The following BANK1 variants were observed in gnomAD, a reference collection of about 807,000 sequenced individuals.
BANK1 encodes the protein B cell scaffold protein with ankyrin repeats 1.
BANK1 carries 95 observed loss-of-function variants against 94.5 expected under a neutral mutation model. The ratio of observed to expected loss-of-function variants is 1.00; its 90% CI spans 0.85 to 1.19. BANK1 has a LOEUF of 1.19. Among genes scored for constraint, BANK1 ranks in the 50% most tolerant of loss-of-function variants. The pLI is 0.00. For synonymous variants in BANK1, 334 were observed against 308.4 expected, an observed-to-expected ratio of 1.08 and a Z score of -0.87; for missense variants, 987 against 932.2, an observed-to-expected ratio of 1.06 and a Z score of -0.77.
At chr4:101,791,281 G>A (rs1724977198) in intron 1 of BANK1, among the ~76,000 whole-genome samples, 1 of 150,660 alleles carries the variant, frequency 6.6e-6, no homozygotes, top group African/African-American at 2.4e-5. Flanking sequence ...TTTGCAACCT[G>A]TTTTAAAGCA....
intron 2 of BANK1, among the ~76,000 whole-genome samples, chr4:101,853,505 G>T (rs1324684733): frequency 2.6e-5 from 4 of 152,110 alleles, no homozygotes; most frequent in African/African-American, 9.7e-5. Context: ...TTGCAATAAA[G>T]AGAAGGCACA....
At chr4:101,860,975 T>C (rs1415917944) in intron 3 of BANK1, among the ~76,000 whole-genome samples, 1 of 152,060 alleles carries the variant, frequency 6.6e-6, no homozygotes, top group African/African-American at 2.4e-5. Flanking sequence ...GGGGCAGATA[T>C]GAGAAACAAA....
At position 102,030,029 on chromosome 4, in the gene BANK1, G is replaced by T. The variant is rs1310938274; in HGVS notation, c.1664G>T (p.Gly555Val). ...CATCCTGGTGTTAGACAAGAAACAG[G>T]AGATGAACCCAAAGGAGAAAAAGAG... ...WGHPGVRQETGDEPKGEKEKK... is the reference protein window; with the variant it reads ...WGHPGVRQETVDEPKGEKEKK... The change falls in exon 10 of 17, where the codon GGA becomes GTA. Residue 555 changes from glycine (G) to valine (V), a missense_variant. Coordinates refer to ENST00000322953, the MANE Select transcript of BANK1 (RefSeq NM_017935.5). The T allele has an allele frequency of 6.2e-7, 1 of 1,613,682 alleles. No homozygotes were observed. The highest frequency in any genetic ancestry group is 1.3e-5 in the African/African-American group (1 of 74,840).
intron 10 of BANK1, among the ~76,000 whole-genome samples, chr4:102,033,755 A>AT (rs1195643720): frequency 2.0e-5 from 3 of 151,952 alleles, no homozygotes; most frequent in East Asian, 1.9e-4. Flanking sequence ...TAGTGCTATA[A>AT]TTTTTTTTGG....
At chr4:102,047,924 G>C (rs916095092) in intron 11 of BANK1, among the ~76,000 whole-genome samples, 12 of 152,064 alleles carry the variant, frequency 7.9e-5, no homozygotes, top group African/African-American at 2.9e-4. Flanking sequence ...CAGAAAAAGG[G>C]GAGGAGAGGG....
chr4:101,954,634 G>T (rs1176189979), intron 7 of BANK1, among the ~76,000 whole-genome samples: 1 of 152,100 alleles, frequency 6.6e-6, no homozygotes, highest in Non-Finnish European at 1.5e-5. Flanking sequence ...TAATAGTAGG[G>T]AAAAATATAT....
rs201542272 is a variant in BANK1 at position 101,855,057 on chromosome 4, C to T, written c.492C>T (p.Val164=). Residue 164 remains valine (V), a synonymous_variant, in exon 3 of 17, where the codon GTC becomes GTT. Coordinates refer to ENST00000322953, the MANE Select transcript of BANK1 (RefSeq NM_017935.5). ...TAGATTCTGAAGACTACTTTGAGGT[C>T]AACATTCCAACAGACCTACGAGCAA... The part of the protein sequence containing the change: ...IFKDSEDYFE[V]NIPTDLRAKH... The T allele has an allele frequency of 6.2e-7, 1 of 1,611,626 alleles. No individual in the cohort carries two copies. The highest frequency in any genetic ancestry group is 2.2e-5 in the East Asian group (1 of 44,850).
chr4:101,939,398 A>G (rs1397971092), intron 7 of BANK1, among the ~76,000 whole-genome samples: 3 of 151,810 alleles, frequency 2.0e-5, no homozygotes, highest in African/African-American at 7.2e-5. Flanking sequence ...ATCACATAGT[A>G]TGTAATATAT....
chr4:101,937,569 T>A (rs1428668088), intron 7 of BANK1, among the ~76,000 whole-genome samples: 2 of 151,886 alleles, frequency 1.3e-5, no homozygotes, highest in East Asian at 3.9e-4. Context: ...AGAATGGCTA[T>A]CATTAAAAAG....
intron 10 of BANK1, among the ~76,000 whole-genome samples, chr4:102,043,381 T>C (rs1727767120): frequency 6.6e-6 from 1 of 152,056 alleles, no homozygotes; most frequent in African/African-American, 2.4e-5. Context: ...AAGAATAAAG[T>C]GTCTTTTTTA....
intron 4 of BANK1, among the ~76,000 whole-genome samples, chr4:101,864,796 T>A (rs942752752): frequency 1.3e-5 from 2 of 152,098 alleles, no homozygotes; most frequent in African/African-American, 4.8e-5. Context: ...GAATATGAAC[T>A]AGTGGTAACA....
chr4:101,980,951 T>C (rs1725308477), intron 7 of BANK1, among the ~76,000 whole-genome samples: 1 of 152,070 alleles, frequency 6.6e-6, no homozygotes, highest in Non-Finnish European at 1.5e-5. Flanking sequence ...CTAAATAACT[T>C]TGATGGTTGT....
At chr4:101,956,947 T>C (rs1439969086) in intron 7 of BANK1, among the ~76,000 whole-genome samples, 2 of 152,200 alleles carry the variant, frequency 1.3e-5, no homozygotes, top group Non-Finnish European at 2.9e-5. Context: ...CCAGTTTTCA[T>C]ATCTTGATCT....
At chr4:102,030,622 A>G (rs1362703494) in intron 10 of BANK1, among the ~76,000 whole-genome samples, 3 of 134,388 alleles carry the variant, frequency 2.2e-5, no homozygotes, top group Non-Finnish European at 4.6e-5. Flanking sequence ...TGTGATATTC[A>G]TATTCCCCAC....
chr4:101,908,512 TAAAACACCA>T (rs1722545198), intron 6 of BANK1, among the ~76,000 whole-genome samples: 1 of 152,164 alleles, frequency 6.6e-6, no homozygotes, highest in South Asian at 2.1e-4. Context: ...ACTTCATGAC[TAAAACACCA>T]AAAGCAATGG....
intron 13 of BANK1, among the ~76,000 whole-genome samples, chr4:102,066,402 A>G (rs908544613): frequency 3.7e-4 from 56 of 149,976 alleles, no homozygotes; most frequent in Admixed American, 5.3e-4. Flanking sequence ...GACTACAGGC[A>G]CCCGCCACTA....
intron 7 of BANK1, among the ~76,000 whole-genome samples, chr4:101,933,120 CATA>C (rs987585954): frequency 1.3e-5 from 2 of 151,404 alleles, no homozygotes; most frequent in Non-Finnish European, 3.0e-5. Context: ...GAGTTTTAGA[CATA>C]ATAATGGCAT....
intron 2 of BANK1, among the ~76,000 whole-genome samples, chr4:101,849,371 T>C (rs1046678421): frequency 6.6e-6 from 1 of 152,154 alleles, no homozygotes; most frequent in African/African-American, 2.4e-5. Context: ...GAATGTTCTC[T>C]CTCTTCTCTT....
intron 1 of BANK1, among the ~76,000 whole-genome samples, chr4:101,794,014 G>T (rs1725074645): frequency 6.6e-6 from 1 of 152,062 alleles, no homozygotes; most frequent in African/African-American, 2.4e-5. Flanking sequence ...ATGGCCTCTT[G>T]TATAAAGATA....
Sources: gnomAD v4.1 joint callset for allele counts (sites outside exome capture counted in the v4.1 genomes callset) on GRCh38, gnomAD v4.1.1 for gene constraint, MANE v1.5 for transcripts, NCBI Gene and HGNC (gene_info 2026-07-23, HGNC 2026-07-21) for gene names.